The following CDO1 variants were observed in gnomAD, a reference collection of about 807,000 sequenced individuals.
CDO1 encodes cysteine dioxygenase, type I.
In CDO1, 19 loss-of-function variants were observed where a neutral mutation model predicts 24.5. That is an observed-to-expected ratio of 0.77 (90% confidence interval 0.54 to 1.14). CDO1 has a LOEUF of 1.14. CDO1 is among the 50% of genes most tolerant of loss of function. CDO1 has a pLI of 0.00. For missense variants in CDO1, 244 were observed against 244.8 expected, an observed-to-expected ratio of 1.00 and a Z score of 0.02; for synonymous variants, 91 against 87.0, an observed-to-expected ratio of 1.05 and a Z score of -0.26.
At position 115,816,248 on chromosome 5, in the gene CDO1, G is replaced by A. The variant is rs998550921; in HGVS notation, c.150C>T (p.Tyr50=). 1.9e-6 allele frequency: 3 copies of A among 1,614,184 alleles called. No homozygotes were observed. The highest frequency in any genetic ancestry group is 1.1e-5 in the South Asian group (1 of 91,080). The change falls in exon 1 of 5, where the codon TAC becomes TAT. Residue 50 remains tyrosine (Y), a synonymous_variant. Transcript: ENST00000250535. ...YESDPTEWAM[Y]AKFDQYRYTR... ...CTCACCTGTACTGGTCGAACTTGGC[G>A]TACATTGCCCACTCGGTGGGGTCGC...
In CDO1 at chr5:115,809,316, G is replaced by A. The variant is rs542216078; in HGVS notation, c.403+1845C>T. 7.2e-5 allele frequency among the ~76,000 whole-genome samples: 11 copies of A among 151,908 alleles called. No homozygotes were observed. The South Asian group carries it at 1.5e-3, about 20-fold the overall frequency. The stretch of plus-strand genomic sequence containing the variant: ...TCACAGTAATACTGGACTTTTCTTG[G>A]GGGTATTTATGAAGCAGAGTTAGGT... On this transcript the variant is annotated intron_variant, in intron 3 of 4. Transcript: ENST00000250535.
chr5:115,816,493 C>A lies in CDO1; in HGVS notation c.-96G>T. The A allele has an allele frequency of 3.1e-6, 4 of 1,301,876 alleles. No individual in the cohort carries two copies. Among genetic ancestry groups the A allele is most frequent in the Non-Finnish European group, 4.3e-6 (4 of 923,952 alleles). The allele number at this position is 1,301,876 out of a possible 1,614,324, so 80.6% of individuals were successfully genotyped here. A position where few individuals can be genotyped will look rare whatever the true frequency, so the allele number is the denominator to read the frequency against. On this transcript the variant is annotated 5_prime_UTR_variant, in exon 1 of 5. Transcript: ENST00000250535. The stretch of plus-strand genomic sequence containing the variant: ...CTGGGGGCGAGGGAGCCTAACAGCC[C>A]GCTAGACCGCTAAGCAGACACACAC...
chr5:115,816,135 G>C (rs1036834567), intron 1 of CDO1, 93 bp downstream of exon 1: 12 of 1,122,614 alleles, frequency 1.1e-5, no homozygotes, highest in Admixed American at 9.4e-5. Context: ...CGAGCTTCCC[G>C]AGCCAGTCAC....
intron 1 of CDO1, among the ~76,000 whole-genome samples, chr5:115,814,761 A>C (rs531057280): frequency 7.9e-5 from 12 of 152,094 alleles, no homozygotes; most frequent in African/African-American, 2.9e-4. Flanking sequence ...TAGGCTCTGG[A>C]ACAACAATGC....
At chr5:115,814,620 C>T (rs1191626805) in intron 1 of CDO1, 2 of 152,216 alleles carry the variant, frequency 1.3e-5, no homozygotes, top group African/African-American at 4.8e-5. Context: ...ATCAACCCAG[C>T]TGGTTGCACT....
chr5:115,813,450 G>A (rs1213112662), intron 1 of CDO1, among the ~76,000 whole-genome samples, 192 bp from the exon 2 acceptor site: 3 of 152,074 alleles, frequency 2.0e-5, no homozygotes, highest in Non-Finnish European at 4.4e-5. Context: ...ATTTTGAACC[G>A]CTGCATTTAC....
chr5:115,812,814 G>A lies in CDO1; in HGVS notation c.248+367C>T, dbSNP rs184629528. 2.6e-3 allele frequency among the ~76,000 whole-genome samples: 398 copies of A among 152,092 alleles called. 5 individuals are homozygous for A. Among genetic ancestry groups the A allele is most frequent in the South Asian group, 0.025 (121 of 4,810 alleles). On this transcript the variant is annotated intron_variant, in intron 2 of 4. Transcript: ENST00000250535. ...TGTAATCCCAGCACTTTGGGATGCC[G>A]AGGTGAGTGGATCACCTGAGGTCAG...
intron 2 of CDO1, among the ~76,000 whole-genome samples, chr5:115,812,912 T>C (rs1760251392): frequency 6.6e-6 from 1 of 151,764 alleles, no homozygotes; most frequent in Admixed American, 6.6e-5. Context: ...CCAGGCATGG[T>C]GGTGCATACC....
At chr5:115,807,358 T>G (rs1441638722) in intron 3 of CDO1, among the ~76,000 whole-genome samples, 1 of 152,210 alleles carries the variant, frequency 6.6e-6, no homozygotes. Flanking sequence ...CCACTCATGT[T>G]CAGGGTTACC....
chr5:115,807,171 C>G (rs1338464139), intron 3 of CDO1, among the ~76,000 whole-genome samples: 7 of 152,210 alleles, frequency 4.6e-5, no homozygotes, highest in Non-Finnish European at 8.8e-5. Context: ...CTTTAGTCAT[C>G]ACCTAGCTGC....
chr5:115,814,481 G>C (rs1760338790), intron 1 of CDO1: 1 of 152,160 alleles, frequency 6.6e-6, no homozygotes, highest in African/African-American at 2.4e-5. Flanking sequence ...ACAGCGCTAG[G>C]CACCTATTTA....
intron 2 of CDO1, 23 bp from the exon 3 acceptor site, chr5:115,811,338 C>G (rs771494748): frequency 1.1e-5 from 17 of 1,597,428 alleles, no homozygotes; most frequent in Non-Finnish European, 1.4e-5. Context: ...AAAATGACAA[C>G]TGAACTCAGT....
intron 3 of CDO1, among the ~76,000 whole-genome samples, chr5:115,808,738 C>CAAAACAAAACAAAACAAAACA (rs148482750): frequency 6.6e-6 from 1 of 151,880 alleles, no homozygotes; most frequent in African/African-American, 2.4e-5. Context: ...CAAAACAAAA[C>CAAAACAAAACAAAACAAAACA]AAACAAAACA....
intron 1 of CDO1, among the ~76,000 whole-genome samples, chr5:115,815,984 C>T (rs536953543): frequency 6.6e-6 from 1 of 152,368 alleles, no homozygotes; most frequent in East Asian, 1.9e-4. Context: ...CTTCCCGGCG[C>T]CTGTCCGCCG....
In CDO1 at chr5:115,813,269, AC is replaced by A. The variant is rs1329348118; in HGVS notation, c.171-12del. The A allele has an allele frequency of 4.8e-6, 7 of 1,461,548 alleles. No individual in the cohort carries two copies. Among genetic ancestry groups the A allele is most frequent in the Non-Finnish European group, 6.7e-6 (7 of 1,042,362 alleles). 90.5% of individuals were successfully genotyped at this position (1,461,548 alleles called of 1,614,324 possible). A position where few individuals can be genotyped will look rare whatever the true frequency, so the allele number is the denominator to read the frequency against. On this transcript the variant is annotated splice_polypyrimidine_tract_variant and intron_variant, in intron 1 of 4. Transcript: ENST00000250535. ...AGATTTCGGGTATACCTAAAAAAAA[AC>A]AATATATTCAGAAGTTTTAAGTTCG... is the stretch of plus-strand genomic sequence containing the variant.
At chr5:115,805,491 T>C (rs770841260) in intron 4 of CDO1, 29 bp from the exon 5 acceptor site, 1 of 1,610,588 alleles carries the variant, frequency 6.2e-7, no homozygotes. Flanking sequence ...AAGAAAGCTG[T>C]GTAAGAAACT....
intron 3 of CDO1, 145 bp from the exon 4 acceptor site, chr5:115,806,663 TAGTA>T (rs1759961483): frequency 1.5e-6 from 1 of 645,960 alleles, no homozygotes. Flanking sequence ...CAGTTAAAGA[TAGTA>T]AGTGACACGC....
In CDO1 at chr5:115,816,325, C is replaced by G. The variant is rs1396528354; in HGVS notation, c.73G>C (p.Gly25Arg). 7 of 1,613,990 alleles carry G rather than the reference C, an allele frequency of 4.3e-6. No homozygotes were observed. The highest frequency in any genetic ancestry group is 4.0e-5 in the African/African-American group (3 of 74,914). Residue 25 changes from glycine (G) to arginine (R), a missense_variant, in exon 1 of 5, where the codon GGC becomes CGC. Transcript: ENST00000250535. ...ACCTCCTCTACATTGACCTCATCGC[C>G]GGCAAAGAGCTGGTGCAGGATGCGG... Reference protein sequence around the residue: ...LIRILHQLFAGDEVNVEEVQA... With the variant: ...LIRILHQLFARDEVNVEEVQA...
Position 115,811,314 on chromosome 5 carries a change from T to C in CDO1, c.250A>G (p.Ser84Gly). 6.2e-7 allele frequency: 1 copy of C among 1,610,478 alleles called. No individual in the cohort carries two copies. The highest frequency in any genetic ancestry group is 8.5e-7 in the Non-Finnish European group (1 of 1,177,668). ...ILCWGEGHGS[S>G]IHDHTNSHCF... is the part of the protein sequence containing the mutation. ...TGGGAGTTGGTATGATCATGAATAC[T>C]GCTATATGTACACAAAATGACAACT... Residue 84 changes from serine (S) to glycine (G), a missense_variant and splice_region_variant, in exon 3 of 5, where the codon AGT (serine) becomes GGT (glycine). Transcript: ENST00000250535.
Sources: gnomAD v4.1 joint callset for allele counts (sites outside exome capture counted in the v4.1 genomes callset) on GRCh38, gnomAD v4.1.1 for gene constraint, MANE v1.5 for transcripts, NCBI Gene and HGNC (gene_info 2026-07-23, HGNC 2026-07-21) for gene names.